KCNMA1: variants seen among roughly 807,000 people sequenced by gnomAD.
KCNMA1 encodes Calcium-activated potassium channel subunit alpha-1.
A neutral mutation model predicts 140.0 loss-of-function variants in KCNMA1; 29 were observed. The observed-to-expected ratio is 0.21, with a 90% confidence interval of 0.15 to 0.28. The LOEUF (loss-of-function observed/expected upper bound fraction) is 0.28, where lower values mean the gene tolerates loss of function less well. KCNMA1 is among the 10% of genes least tolerant of loss of function. The pLI is 1.00. For synonymous variants in KCNMA1, 612 were observed against 611.9 expected (o/e 1.00, Z 0.00); for missense variants, 880 against 1,602.2 (o/e 0.55, Z 7.70).
At chr10:77,584,612 C>G (rs1722584667) in intron 1 of KCNMA1, among the ~76,000 whole-genome samples, 1 of 152,220 alleles carries the variant, frequency 6.6e-6, no homozygotes, top group Non-Finnish European at 1.5e-5. Flanking sequence ...CTGCCTCAGC[C>G]TCCCAAAGTG....
At chr10:76,988,093 C>T (rs1233203644) in intron 19 of KCNMA1, among the ~76,000 whole-genome samples, 1 of 152,082 alleles carries the variant, frequency 6.6e-6, no homozygotes, top group Non-Finnish European at 1.5e-5. Flanking sequence ...GAGGACTTGG[C>T]CATCGGTAGG....
At chr10:77,225,984 A>G (rs995806871) in intron 3 of KCNMA1, among the ~76,000 whole-genome samples, 8 of 152,334 alleles carry the variant, frequency 5.3e-5, no homozygotes, top group South Asian at 2.1e-4. Context: ...CCTGTTGCCA[A>G]GTGACATGTG....
At chr10:77,349,872 T>C (rs1263588402) in intron 2 of KCNMA1, among the ~76,000 whole-genome samples, 8 of 152,180 alleles carry the variant, frequency 5.3e-5, no homozygotes, top group African/African-American at 1.9e-4. Flanking sequence ...GTGAGTCTTA[T>C]GTAGATCTAT....
At chr10:77,632,252 G>A (rs1325535998) in intron 1 of KCNMA1, among the ~76,000 whole-genome samples, 1 of 140,552 alleles carries the variant, frequency 7.1e-6, no homozygotes. Flanking sequence ...GAACACACTT[G>A]GGGAAACCTG....
intron 1 of KCNMA1, among the ~76,000 whole-genome samples, chr10:77,626,535 A>T (rs1348073802): frequency 1.3e-5 from 2 of 152,186 alleles, no homozygotes; most frequent in Non-Finnish European, 2.9e-5. Context: ...CTTATCTCTG[A>T]GTTCTCCATT....
intron 1 of KCNMA1, among the ~76,000 whole-genome samples, chr10:77,479,034 T>C (rs184033284): frequency 1.4e-3 from 215 of 152,274 alleles, no homozygotes; most frequent in African/African-American, 4.7e-3. Flanking sequence ...ATAAAACGAA[T>C]CATGAACAGT....
At chr10:76,936,346 A>C (rs2060549629) in intron 23 of KCNMA1, among the ~76,000 whole-genome samples, 1 of 152,250 alleles carries the variant, frequency 6.6e-6, no homozygotes, top group African/African-American at 2.4e-5. Flanking sequence ...AACCAATAAA[A>C]GAAAATTATT....
chr10:77,584,284 C>G (rs562359217), intron 1 of KCNMA1, among the ~76,000 whole-genome samples: 8 of 152,316 alleles, frequency 5.3e-5, no homozygotes, highest in African/African-American at 1.7e-4. Flanking sequence ...CCAACATATA[C>G]GTAAGACTTG....
intron 1 of KCNMA1, among the ~76,000 whole-genome samples, chr10:77,437,354 G>T (rs1362177685): frequency 6.6e-6 from 1 of 152,148 alleles, no homozygotes. Flanking sequence ...ACTGTCAGTG[G>T]CACCGGATAA....
chr10:77,030,714 A>G (rs766181479), intron 15 of KCNMA1, among the ~76,000 whole-genome samples: 2 of 152,214 alleles, frequency 1.3e-5, no homozygotes, highest in African/African-American at 2.4e-5. Context: ...TTTCCTCTAC[A>G]AGAAAGTCCT....
chr10:76,917,675 AGT>A (rs1309347368), intron 23 of KCNMA1, among the ~76,000 whole-genome samples: 4 of 152,156 alleles, frequency 2.6e-5, no homozygotes, highest in Admixed American at 2.6e-4. Context: ...TCCCCAAAAA[AGT>A]GTGCTTTTAT....
intron 2 of KCNMA1, among the ~76,000 whole-genome samples, chr10:77,382,723 G>A (rs1385557740): frequency 1.3e-5 from 2 of 151,068 alleles, no homozygotes; most frequent in East Asian, 2.0e-4. Flanking sequence ...AAATTAGCTC[G>A]GTGTGGTGGT....
At chr10:77,255,367 T>A (rs1600180050) in intron 2 of KCNMA1, among the ~76,000 whole-genome samples, 1 of 150,682 alleles carries the variant, frequency 6.6e-6, no homozygotes, top group South Asian at 2.1e-4. Context: ...TGGGAGGCCA[T>A]GACAGGTGGA....
intron 1 of KCNMA1, among the ~76,000 whole-genome samples, chr10:77,506,811 G>A (rs1251941741): frequency 2.5e-5 from 3 of 118,472 alleles, no homozygotes; most frequent in Admixed American, 8.7e-5. Flanking sequence ...AAGATGTTCC[G>A]AGAGAGAGAG....
intron 2 of KCNMA1, among the ~76,000 whole-genome samples, chr10:77,370,207 T>C (rs1041889340): frequency 6.6e-6 from 1 of 152,184 alleles, no homozygotes; most frequent in African/African-American, 2.4e-5. Context: ...AGGCTAAAAA[T>C]AGATTCAACT....
At chr10:77,009,745 C>G (rs148636291) in intron 18 of KCNMA1, among the ~76,000 whole-genome samples, 54 of 152,282 alleles carry the variant, frequency 3.5e-4, no homozygotes, top group African/African-American at 1.2e-3. Context: ...TGCCTCCTGA[C>G]CTTGACCTTT....
In KCNMA1 at chr10:77,110,708, G is replaced by C. The variant is rs557812003; in HGVS notation, c.961-365C>G. Among the ~76,000 whole-genome samples the C allele has an allele frequency of 2.6e-5, 4 of 152,370 alleles. No individual in the cohort carries two copies. The East Asian group carries it at 7.7e-4, about 29-fold the overall frequency. ...AGCACTCTCTTCAAGGAAAGAGCCA[G>C]AGATTCCGTCCCTGACCTTCCTCAA... On this transcript the variant is annotated intron_variant, in intron 7 of 27. Coordinates refer to ENST00000286628, the MANE Select transcript of KCNMA1 (RefSeq NM_001161352.2).
intron 1 of KCNMA1, among the ~76,000 whole-genome samples, chr10:77,478,625 A>G (rs1033923221): frequency 3.9e-5 from 6 of 152,240 alleles, no homozygotes; most frequent in Non-Finnish European, 8.8e-5. Context: ...AAAAAAGAGT[A>G]TCACAAAACT....
intron 5 of KCNMA1, among the ~76,000 whole-genome samples, chr10:77,129,030 T>C (rs762456489): frequency 3.9e-5 from 6 of 152,242 alleles, no homozygotes; most frequent in Non-Finnish European, 5.9e-5. Context: ...AAAGCAATAC[T>C]GAGGCCTGCT....
Sources: allele counts gnomAD v4.1 joint callset (sites outside exome capture counted in the v4.1 genomes callset), GRCh38; gene constraint gnomAD v4.1.1; transcripts MANE v1.5; gene names NCBI Gene and HGNC (gene_info 2026-07-23, HGNC 2026-07-21).